Variants in STK10 observed in about 807,000 individuals in gnomAD.
STK10 encodes serine/threonine-protein kinase 10.
STK10 carries 78 observed loss-of-function variants against 113.8 expected under a neutral mutation model. The ratio of observed to expected loss-of-function variants is 0.69; its 90% CI spans 0.57 to 0.83. STK10 has a LOEUF of 0.83. Among genes scored for constraint, STK10 ranks in the 40% least tolerant of loss-of-function variants. The probability of loss-of-function intolerance (pLI) is 0.00; values close to 1 mark genes in which losing one functional copy is unlikely to be tolerated. For synonymous variants in STK10, 465 were observed against 494.7 expected (o/e 0.94, Z 0.80); for missense variants, 1,109 against 1,280.1 (o/e 0.87, Z 2.04).
At chr5:172,045,811 T>C (rs1220167571) in intron 18 of STK10, among the ~76,000 whole-genome samples, 1 of 151,998 alleles carries the variant, frequency 6.6e-6, no homozygotes, top group Non-Finnish European at 1.5e-5. Context: ...TGACTCAGCC[T>C]CCCCAGTAGC....
chr5:172,052,219 G>A (rs1378218363), intron 18 of STK10, among the ~76,000 whole-genome samples: 2 of 152,210 alleles, frequency 1.3e-5, no homozygotes, highest in African/African-American at 4.8e-5. Flanking sequence ...GCTATTTGAG[G>A]TGGAGGAGGC....
intron 18 of STK10, among the ~76,000 whole-genome samples, chr5:172,047,899 G>GTTTTTTTTTTTTTTTTTT (rs11438537): frequency 9.1e-6 from 1 of 109,802 alleles, no homozygotes; most frequent in Non-Finnish European, 1.8e-5. Context: ...TGTTTTTTGG[G>GTTTTTTTTTTTTTTTTTT]TTTTTTTTTT....
chr5:172,049,841 C>T (rs918290890), intron 18 of STK10, among the ~76,000 whole-genome samples: 2 of 152,164 alleles, frequency 1.3e-5, no homozygotes, highest in South Asian at 2.1e-4. Context: ...TTCACTCTTT[C>T]GCCCAGGCTG....
At chr5:172,098,719 AACCAAGGC>A (rs1768910626) in intron 7 of STK10, among the ~76,000 whole-genome samples, 1 of 152,186 alleles carries the variant, frequency 6.6e-6, no homozygotes, top group South Asian at 2.1e-4. Context: ...TAGACTCTAG[AACCAAGGC>A]ACCTGGTAAA....
At chr5:172,167,679 G>A (rs941085589) in intron 1 of STK10, among the ~76,000 whole-genome samples, 5 of 152,128 alleles carry the variant, frequency 3.3e-5, no homozygotes, top group South Asian at 2.1e-4. Context: ...GCTACTAGCC[G>A]CACGTGGCTA....
At chr5:172,180,342 G>A (rs112967848) in intron 1 of STK10, among the ~76,000 whole-genome samples, 21 of 152,042 alleles carry the variant, frequency 1.4e-4, no homozygotes, top group Non-Finnish European at 2.9e-4. Flanking sequence ...GCGGGCGCCT[G>A]TAATCCCAGC....
At chr5:172,118,814 G>A (rs1223664970) in intron 3 of STK10, among the ~76,000 whole-genome samples, 2 of 149,844 alleles carry the variant, frequency 1.3e-5, no homozygotes, top group Admixed American at 6.7e-5. Context: ...AGGAGGCAGA[G>A]GTTGCAGTGA....
rs1282496271 is a variant in STK10, at chr5:172,120,118, CTGAT to C, written c.371-2492_371-2489del. 6.6e-6 allele frequency among the ~76,000 whole-genome samples: 1 copy of C among 152,040 alleles called. No homozygotes were observed. The highest frequency in any genetic ancestry group is 6.6e-5 in the Admixed American group (1 of 15,256). ...GTGCTCTGCGTCCCACAGGACTGTC[CTGAT>C]TGAGTCAACGTAGCTACCCAAGACC... On this transcript the variant is annotated intron_variant, in intron 3 of 18. Transcript: ENST00000176763. This position sits in a 1 kb window ranked among gnomAD's most constrained non-coding sequence, Gnocchi z 4.0.
At position 172,090,315 on chromosome 5, in the gene STK10, C is replaced by A. The variant is rs1342956880; in HGVS notation, c.1602G>T (p.Val534=). 1.2e-6 allele frequency: 2 copies of A among 1,614,054 alleles called. No individual in the cohort carries two copies. Among genetic ancestry groups the A allele is most frequent in the Non-Finnish European group, 1.7e-6 (2 of 1,180,000 alleles). The change falls in exon 10 of 19, where the codon GTG becomes GTT. Residue 534 remains valine (V), a synonymous_variant. Transcript: ENST00000176763. ...KKTLKRTRKF[V]VDGVEVSITT... is the part of the protein sequence containing the mutation. ...TGATGCTCACCTCCACACCATCCAC[C>A]ACAAATTTGCGTGTCCGCTTGAGGG...
chr5:172,128,577 C>T (rs1264022100), intron 2 of STK10, among the ~76,000 whole-genome samples: 4 of 152,202 alleles, frequency 2.6e-5, no homozygotes, highest in East Asian at 1.9e-4. Context: ...GTGATCCACC[C>T]GCCCTGGCCT....
chr5:172,103,985 T>C (rs1017389813), intron 7 of STK10, among the ~76,000 whole-genome samples: 1 of 152,078 alleles, frequency 6.6e-6, no homozygotes, highest in Admixed American at 6.5e-5. Flanking sequence ...AACCCTGGAC[T>C]TTCCCGCCCC....
At position 172,133,089 on chromosome 5, in the gene STK10, C is replaced by G. The variant is rs189979461; in HGVS notation, c.322-5668G>C. On this transcript the variant is annotated intron_variant, in intron 2 of 18. Transcript: ENST00000176763. This position sits in a 1 kb window ranked among gnomAD's most constrained non-coding sequence, Gnocchi z 4.9. ...GGAAAAGCGTGGAAGCGGGTAATGG[C>G]GGAGCATTCCATGGGGTTCCAAAGG... Among the ~76,000 whole-genome samples, 728 of 152,260 alleles carry G rather than the reference C, an allele frequency of 4.8e-3. 5 individuals carry two copies. Among genetic ancestry groups the G allele is most frequent in the African/African-American group, 0.017 (705 of 41,556 alleles).
At position 172,106,417 on chromosome 5, in the gene STK10, A is replaced by AAAAAAAAAAAAAAAAAAAAAAAAAC. The variant is rs1769110192; in HGVS notation, c.788+202_788+203insGTTTTTTTTTTTTTTTTTTTTTTTT. ...ACCCTATCTCAAAAAAAAAAAAAAAAAGGAACACAAAGGGAAAAAGAGGCA... is the reference window on the plus strand; with the variant it reads ...ACCCTATCTCAAAAAAAAAAAAAAAAAAAAAAAAAAAAAAAAAAAAAAAACAGGAACACAAAGGGAAAAAGAGGCA... On this transcript the variant is annotated intron_variant, in intron 6 of 18. Transcript: ENST00000176763. Among the ~76,000 whole-genome samples, 2 of 145,272 alleles carry AAAAAAAAAAAAAAAAAAAAAAAAAC rather than the reference A, an allele frequency of 1.4e-5. 1 individual carries two copies. Among genetic ancestry groups the AAAAAAAAAAAAAAAAAAAAAAAAAC allele is most frequent in the Non-Finnish European group, 3.0e-5 (2 of 66,538 alleles).
intron 18 of STK10, among the ~76,000 whole-genome samples, chr5:172,047,009 A>C (rs996428469): frequency 6.6e-6 from 1 of 152,234 alleles, no homozygotes; most frequent in African/African-American, 2.4e-5. Context: ...ACTCTACCAG[A>C]TATTCCGTAC....
At chr5:172,056,639 G>A (rs183956190) in intron 15 of STK10, among the ~76,000 whole-genome samples, 10 of 152,134 alleles carry the variant, frequency 6.6e-5, no homozygotes, top group Admixed American at 1.3e-4. Flanking sequence ...AGGCCAAGGC[G>A]GGCAGATCAC....
intron 1 of STK10, among the ~76,000 whole-genome samples, chr5:172,184,058 C>A (rs1052892292): frequency 6.6e-6 from 1 of 152,124 alleles, no homozygotes; most frequent in African/African-American, 2.4e-5. Flanking sequence ...AGGAAGCCTT[C>A]GACACTTAGG....
chr5:172,129,569 G>A (rs910567887), intron 2 of STK10, among the ~76,000 whole-genome samples: 2 of 152,122 alleles, frequency 1.3e-5, no homozygotes, highest in East Asian at 1.9e-4. Context: ...TCATTCATTC[G>A]TCCATTCATT....
chr5:172,153,587 A>C (rs1434793849), intron 2 of STK10, among the ~76,000 whole-genome samples: 7 of 152,356 alleles, frequency 4.6e-5, no homozygotes, highest in Middle Eastern at 3.4e-3. Flanking sequence ...AAGGGACCTA[A>C]GACACTTGGG....
chr5:172,095,857 C>T (rs1768837315), intron 8 of STK10, among the ~76,000 whole-genome samples: 1 of 152,248 alleles, frequency 6.6e-6, no homozygotes, highest in Admixed American at 6.5e-5. Flanking sequence ...TACGGAGCAA[C>T]AGCTTGGGCC....
Sources: gnomAD v4.1 joint callset for allele counts (sites outside exome capture counted in the v4.1 genomes callset) on GRCh38, gnomAD v4.1.1 for gene constraint, Gnocchi (gnomAD v3.1) non-coding constraint, MANE v1.5 for transcripts, NCBI Gene and HGNC (gene_info 2026-07-23, HGNC 2026-07-21) for gene names.